The following ARHGEF12 variants were observed in gnomAD, a reference collection of about 807,000 sequenced individuals.
ARHGEF12 encodes the protein Rho guanine nucleotide exchange factor 12, also known as KMT2A/ARHGEF12 fusion protein.
In ARHGEF12, 66 loss-of-function variants were observed where a neutral mutation model predicts 211.2. The observed-to-expected ratio is 0.31, with a 90% CI of 0.26 to 0.38. The LOEUF is 0.38. ARHGEF12 is among the 10% of genes least tolerant of loss of function. ARHGEF12 has a pLI of 1.00. For missense variants in ARHGEF12, 1,429 were observed against 1,869.5 expected, an observed-to-expected ratio of 0.76 and a Z score of 4.34; for synonymous variants, 592 against 638.4, an observed-to-expected ratio of 0.93 and a Z score of 1.09.
At chr11:120,453,680 G>A (rs184149755) in intron 22 of ARHGEF12, among the ~76,000 whole-genome samples, 94 of 152,222 alleles carry the variant, frequency 6.2e-4, no homozygotes, top group African/African-American at 2.1e-3. Flanking sequence ...TCTTGCCACC[G>A]TTAATGCAGC....
chr11:120,440,602 T>TA (rs1162652645), intron 13 of ARHGEF12, among the ~76,000 whole-genome samples: 1 of 152,204 alleles, frequency 6.6e-6, no homozygotes, highest in East Asian at 1.9e-4. Flanking sequence ...TTGGTGCTTT[T>TA]AAAAATAAGT....
chr11:120,447,774 C>A, intron 18 of ARHGEF12, 100 bp from the exon 19 acceptor site: 1 of 761,554 alleles, frequency 1.3e-6, no homozygotes. Context: ...CAGGATCATG[C>A]CATTGCACTC....
At chr11:120,483,395 G>A (rs1227859063) in intron 39 of ARHGEF12, among the ~76,000 whole-genome samples, 1 of 149,890 alleles carries the variant, frequency 6.7e-6, no homozygotes, top group Non-Finnish European at 1.5e-5. Flanking sequence ...CAAGGAGCTG[G>A]GACTACAGGC....
intron 1 of ARHGEF12, among the ~76,000 whole-genome samples, chr11:120,348,921 A>T (rs747630066): frequency 3.3e-5 from 5 of 152,188 alleles, no homozygotes; most frequent in Non-Finnish European, 7.3e-5. Context: ...CTGTGTTTAG[A>T]CTTGGGTCCC....
At chr11:120,481,685 A>G in intron 39 of ARHGEF12, 109 bp downstream of exon 39, 1 of 1,096,424 alleles carries the variant, frequency 9.1e-7, no homozygotes. Context: ...CAGGTTCTAG[A>G]TTTCTTTGAC....
At chr11:120,367,443 GCAAC>G (rs537364897) in intron 1 of ARHGEF12, among the ~76,000 whole-genome samples, 9 of 128,558 alleles carry the variant, frequency 7.0e-5, no homozygotes, top group African/African-American at 2.1e-4. Flanking sequence ...TTGGCTCACT[GCAAC>G]CTCCGCCTCC....
At position 120,451,639 on chromosome 11, in the gene ARHGEF12, C is replaced by T. The variant is rs369127202; in HGVS notation, c.1971C>T (p.Asp657=). 288 of 1,613,990 alleles carry T rather than the reference C, an allele frequency of 1.8e-4. No homozygotes were observed. Among genetic ancestry groups the T allele is most frequent in the Non-Finnish European group, 2.3e-4 (272 of 1,180,010 alleles). The change falls in exon 22 of 41, where the codon GAC becomes GAT. Residue 657 remains aspartate, a synonymous_variant. Transcript: ENST00000397843. ...RQSGLANEGT[D]AGYLPANSMS... is the part of the protein sequence containing the mutation. ...GTGGGTTAGCAAATGAAGGAACAGA[C>T]GCTGGATACCTGCCTGCCAATTCCA...
At position 120,448,325 on chromosome 11, in the gene ARHGEF12, A is replaced by G; in HGVS notation, c.1714A>G (p.Ile572Val). The change falls in exon 20 of 41, where the codon ATT (isoleucine) becomes GTT (valine). Residue 572 changes from isoleucine (I) to valine (V), a missense_variant. Transcript: ENST00000397843. ...PRNLEHKRGR[I>V]GFLPKIKQSM... ...AAATTTGGAGCACAAACGGGGTCGG[A>G]TTGGATTTCTTCCCAAAATCAAGGT... 2 of 1,614,122 alleles carry G rather than the reference A, an allele frequency of 1.2e-6. No individual in the cohort carries two copies. Among genetic ancestry groups the G allele is most frequent in the Non-Finnish European group, 1.7e-6 (2 of 1,179,968 alleles).
At chr11:120,446,885 G>A (rs1565488339) in intron 17 of ARHGEF12, 63 bp from the exon 18 acceptor site, 8 of 1,562,194 alleles carry the variant, frequency 5.1e-6, no homozygotes, top group Non-Finnish European at 6.9e-6. Context: ...CTGTGATGAA[G>A]CGTCCCCAGA....
rs1267194006 is a variant in ARHGEF12 at position 120,485,362 on chromosome 11, G to A, written c.*285G>A. The A allele has an allele frequency of 1.1e-5, 4 of 348,982 alleles. No homozygotes were observed. In the East Asian group the frequency reaches 1.2e-4, roughly 11 times the overall value. The allele number at this position is 348,982 out of a possible 1,614,324, so 21.6% of individuals were successfully genotyped here. A position where few individuals can be genotyped will look rare whatever the true frequency, so the allele number is the denominator to read the frequency against. ...ATAAAAACCAAATGTATAGAGCTTT[G>A]GGTGTAGGATATGAAATTGTACTTA... On this transcript the variant is annotated 3_prime_UTR_variant, in exon 41 of 41. Transcript: ENST00000397843.
In ARHGEF12 at chr11:120,457,119, A is replaced by T. The variant is rs1753391842; in HGVS notation, c.2058A>T (p.Gly686=). Residue 686 remains glycine, a splice_region_variant and synonymous_variant, in exon 23 of 41, where the codon GGA becomes GGT. Transcript: ENST00000397843. ...CAAATGTCTGACTTTTGTCTACAGG[A>T]TCAAAGCAAGTTGGAGAAACATCAG... ...SQEGGKENDT[G]SKQVGETSAP... 6.2e-7 allele frequency: 1 copy of T among 1,613,738 alleles called. No individual in the cohort carries two copies. Among genetic ancestry groups the T allele is most frequent in the Non-Finnish European group, 8.5e-7 (1 of 1,179,860 alleles).
intron 1 of ARHGEF12, among the ~76,000 whole-genome samples, chr11:120,367,396 C>T (rs185693095): frequency 3.9e-4 from 32 of 82,514 alleles, no homozygotes; most frequent in African/African-American, 1.2e-3. Flanking sequence ...GGTGGAGTCT[C>T]GCTCTGTCGC....
chr11:120,350,464 G>A (rs1485519690), intron 1 of ARHGEF12, among the ~76,000 whole-genome samples: 1 of 150,302 alleles, frequency 6.7e-6, no homozygotes, highest in Non-Finnish European at 1.5e-5. Flanking sequence ...GCAGTGAGCT[G>A]AGATCACGCC....
At chr11:120,483,509 C>T (rs1238231289) in intron 39 of ARHGEF12, among the ~76,000 whole-genome samples, 18 of 151,516 alleles carry the variant, frequency 1.2e-4, no homozygotes, top group Admixed American at 5.9e-4. Context: ...CCGCAACCTC[C>T]GCCTCCCGGG....
intron 1 of ARHGEF12, among the ~76,000 whole-genome samples, chr11:120,369,321 G>A (rs371757466): frequency 6.6e-6 from 1 of 151,940 alleles, no homozygotes; most frequent in South Asian, 2.1e-4. Context: ...TAGAGACGGG[G>A]TTTCACCATG....
At chr11:120,337,835 G>A in intron 1 of ARHGEF12, 1 of 985,432 alleles carries the variant, frequency 1.0e-6, no homozygotes, top group Non-Finnish European at 1.2e-6. Flanking sequence ...ACAGGTTCTT[G>A]CTGGAAGCAA....
intron 22 of ARHGEF12, among the ~76,000 whole-genome samples, chr11:120,455,617 A>G (rs1441395081): frequency 6.6e-6 from 1 of 152,208 alleles, no homozygotes. Flanking sequence ...AAAAATTAAG[A>G]AAGAAAATGT....
intron 7 of ARHGEF12, 40 bp downstream of exon 7, chr11:120,424,455 AC>A: frequency 6.3e-7 from 1 of 1,584,814 alleles, no homozygotes; most frequent in Non-Finnish European, 8.7e-7. Context: ...GTTTTCTGAA[AC>A]CCTTAAAGTA....
intron 10 of ARHGEF12, 108 bp from the exon 11 acceptor site, chr11:120,431,663 T>C (rs1387508576): frequency 5.7e-6 from 7 of 1,226,586 alleles, no homozygotes; most frequent in Non-Finnish European, 7.5e-6. Flanking sequence ...TGTCCAACTT[T>C]TAGTAGTCTC....
Sources: allele counts gnomAD v4.1 joint callset (sites outside exome capture counted in the v4.1 genomes callset), GRCh38; gene constraint gnomAD v4.1.1; transcripts MANE v1.5; gene names NCBI Gene and HGNC (gene_info 2026-07-23, HGNC 2026-07-21).